The following NSD2 variants were observed in gnomAD, a reference collection of about 807,000 sequenced individuals.
NSD2 encodes nuclear receptor binding SET domain protein 2, also known as histone-lysine N-methyltransferase NSD2.
A neutral mutation model predicts 139.0 loss-of-function variants in NSD2; 12 were observed. The observed-to-expected ratio is 0.09, with a 90% CI of 0.06 to 0.14. The LOEUF (loss-of-function observed/expected upper bound fraction) is 0.14, where lower values mean the gene tolerates loss of function less well. Ranked by LOEUF, NSD2 falls within the 10% of genes least tolerant of loss-of-function variation. NSD2 has a pLI of 1.00. For missense variants in NSD2, 1,155 were observed against 1,745.0 expected (o/e 0.66, Z 6.02); for synonymous variants, 669 against 648.7 (o/e 1.03, Z -0.48).
chr4:1,966,486 C>T (rs1195309674), intron 18 of NSD2, among the ~76,000 whole-genome samples: 2 of 151,982 alleles, frequency 1.3e-5, no homozygotes, highest in Non-Finnish European at 2.9e-5. Flanking sequence ...GAAACCCCAT[C>T]TCTACTAAAA....
chr4:1,965,692 TCA>T (rs1445703432), intron 18 of NSD2, among the ~76,000 whole-genome samples: 1 of 152,230 alleles, frequency 6.6e-6, no homozygotes, highest in Non-Finnish European at 1.5e-5. Context: ...AATTGATGAC[TCA>T]CAGTTCCACA....
chr4:1,872,200 G>GGTGAGCCGGGT (rs1029989109), intron 1 of NSD2, among the ~76,000 whole-genome samples: 4 of 152,156 alleles, frequency 2.6e-5, no homozygotes, highest in African/African-American at 7.2e-5. Context: ...TGGAGGCGGG[G>GGTGAGCCGGGT]GTGAGCCGGG....
intron 1 of NSD2, among the ~76,000 whole-genome samples, chr4:1,882,394 G>A (rs1052332590): frequency 4.2e-4 from 64 of 152,350 alleles, no homozygotes; most frequent in African/African-American, 1.5e-3. Context: ...GCTGGGCTTA[G>A]TGGCTCATGC....
At position 1,948,893 on chromosome 4, in the gene NSD2, G is replaced by A; in HGVS notation, c.1882-2179G>A. 1.2e-6 allele frequency: 1 copy of A among 822,542 alleles called. No individual in the cohort carries two copies. Among genetic ancestry groups the A allele is most frequent in the South Asian group, 5.7e-5 (1 of 17,650 alleles). The allele number at this position is 822,542 out of a possible 1,614,324, so 51.0% of individuals were successfully genotyped here. On this transcript the variant is annotated intron_variant, in intron 9 of 21. Transcript: ENST00000508803. The surrounding 1 kb of genome is among the most constrained non-coding windows in gnomAD (Gnocchi z 4.5). Reference sequence around the variant, plus strand: ...CTCATTTTTAAAGCTTTTTAAGTTTGTTCCACCACGTTAAGGGAAGAGCAT... The same window carrying A: ...CTCATTTTTAAAGCTTTTTAAGTTTATTCCACCACGTTAAGGGAAGAGCAT...
intron 9 of NSD2, chr4:1,940,966 C>G: frequency 9.5e-7 from 1 of 1,058,132 alleles, no homozygotes; most frequent in Non-Finnish European, 1.1e-6. Flanking sequence ...TGGTCGAGAC[C>G]TGTTCACGGA....
At chr4:1,947,275 A>T (rs1723733590) in intron 9 of NSD2, 1 of 1,062,962 alleles carries the variant, frequency 9.4e-7, no homozygotes, top group Non-Finnish European at 1.1e-6. Flanking sequence ...CAGGCCTTGA[A>T]TTGGGAGCAG....
At chr4:1,918,766 AGG>A in intron 5 of NSD2, 143 bp downstream of exon 5, 1 of 1,172,642 alleles carries the variant, frequency 8.5e-7, no homozygotes. Flanking sequence ...AATAAGTATT[AGG>A]GAACAGCCAT....
At position 1,978,773 on chromosome 4, in the gene NSD2, C is replaced by T. The variant is rs951676878; in HGVS notation, c.3962C>T (p.Ser1321Phe). 1.1e-5 allele frequency: 17 copies of T among 1,613,904 alleles called. No homozygotes were observed. The highest frequency in any genetic ancestry group is 1.3e-5 in the African/African-American group (1 of 74,940). ...TAFSCTPDGR[S>F]YCCEHDLGAA... The stretch of plus-strand genomic sequence containing the variant: ...TTCAGCTGCACCCCGGACGGGCGGT[C>T]CTACTGCTGTGAGCATGACTTAGGG... The change falls in exon 22 of 22, where the codon TCC (serine) becomes TTC (phenylalanine). Residue 1321 changes from serine (S) to phenylalanine (F), a missense_variant. Around this residue, in one of 8 missense-constraint regions of NSD2, gnomAD observed 132 missense variants for 94.3 expected, o/e 1.40. Transcript: ENST00000508803.
At chr4:1,964,004 A>C (rs1725628314) in intron 18 of NSD2, among the ~76,000 whole-genome samples, 1 of 152,244 alleles carries the variant, frequency 6.6e-6, no homozygotes, top group Non-Finnish European at 1.5e-5. Flanking sequence ...GTCTCTAAAC[A>C]AAACAAAAAT....
intron 21 of NSD2, among the ~76,000 whole-genome samples, chr4:1,978,263 AAGAT>A (rs1183026639): frequency 6.6e-6 from 1 of 152,234 alleles, no homozygotes; most frequent in Non-Finnish European, 1.5e-5. Flanking sequence ...TCATGCCAGA[AAGAT>A]GAATACCCAA....
intron 3 of NSD2, among the ~76,000 whole-genome samples, chr4:1,908,717 A>G (rs1025535257): frequency 1.3e-5 from 2 of 152,094 alleles, no homozygotes; most frequent in Admixed American, 6.5e-5. Context: ...ACAGGTCCCC[A>G]TTGTCACTAA....
At chr4:1,922,049 G>C (rs1272772269) in intron 5 of NSD2, among the ~76,000 whole-genome samples, 1 of 152,160 alleles carries the variant, frequency 6.6e-6, no homozygotes, top group Non-Finnish European at 1.5e-5. Flanking sequence ...TCAGGAGGCC[G>C]AGGCAAGAGA....
At chr4:1,905,454 C>T (rs926321208) in intron 3 of NSD2, among the ~76,000 whole-genome samples, 9 of 152,256 alleles carry the variant, frequency 5.9e-5, no homozygotes, top group East Asian at 1.9e-4. Flanking sequence ...GTGGTCCTTG[C>T]GTACATGTCC....
chr4:1,879,645 C>T (rs1313627679), intron 1 of NSD2, among the ~76,000 whole-genome samples: 1 of 152,078 alleles, frequency 6.6e-6, no homozygotes, highest in Non-Finnish European at 1.5e-5. Context: ...CATCATGCTG[C>T]CTGTAGCTCT....
rs546928429 is a variant in NSD2, at chr4:1,973,368, C to T, written c.3373-1495C>T. ...TGGGTTGTCCTGTTGGCATTGGTGG[C>T]ATGTCCCATGTGCATGCCCCGTGCT... On this transcript the variant is annotated intron_variant, in intron 18 of 21. Coordinates refer to ENST00000508803, the MANE Select transcript of NSD2 (RefSeq NM_001042424.3). This position sits in a 1 kb window ranked among gnomAD's most constrained non-coding sequence, Gnocchi z 5.5. Among the ~76,000 whole-genome samples, 1 of 152,332 alleles carries T rather than the reference C, an allele frequency of 6.6e-6. No homozygotes were observed. Among genetic ancestry groups the T allele is most frequent in the East Asian group, 1.9e-4 (1 of 5,172 alleles).
intron 5 of NSD2, among the ~76,000 whole-genome samples, chr4:1,930,080 T>C (rs900691604): frequency 6.6e-6 from 1 of 151,780 alleles, no homozygotes; most frequent in Non-Finnish European, 1.5e-5. Context: ...GGCTGGAGGG[T>C]AGGGAAGCCT....
chr4:1,917,056 G>A lies in NSD2; in HGVS notation c.927+19G>A, dbSNP rs555592048. 6.4e-6 allele frequency: 10 copies of A among 1,569,656 alleles called. No individual in the cohort carries two copies. The highest frequency in any genetic ancestry group is 8.6e-6 in the Non-Finnish European group (10 of 1,160,806). ...AATTAAGGTGATAGATGACCCTTCA[G>A]TCTACTTTTAGACCAGAAATTTAAT... On this transcript the variant is annotated intron_variant, in intron 4 of 21. Coordinates refer to ENST00000508803, the MANE Select transcript of NSD2 (RefSeq NM_001042424.3).
At chr4:1,872,629 A>AGAGAGAGAGAGAGAGAGG (rs1553856461) in intron 1 of NSD2, among the ~76,000 whole-genome samples, 9 of 142,598 alleles carry the variant, frequency 6.3e-5, no homozygotes, top group Non-Finnish European at 1.2e-4. Flanking sequence ...AGAGAGAGAG[A>AGAGAGAGAGAGAGAGAGG]GAGAGAGCGC....
At chr4:1,896,832 TCTC>T (rs1379500956) in intron 1 of NSD2, among the ~76,000 whole-genome samples, 3 of 151,940 alleles carry the variant, frequency 2.0e-5, no homozygotes, top group Non-Finnish European at 4.4e-5. Flanking sequence ...TTTCCTTTCT[TCTC>T]TTCTCTTTTC....
Sources: allele counts gnomAD v4.1 joint callset (sites outside exome capture counted in the v4.1 genomes callset), GRCh38; gene constraint gnomAD v4.1.1; regional missense constraint gnomAD v4.1.1; non-coding constraint Gnocchi (gnomAD v3.1); transcripts MANE v1.5; gene names NCBI Gene and HGNC (gene_info 2026-07-23, HGNC 2026-07-21).